The following ADAMTS3 variants were observed in gnomAD, a reference collection of about 807,000 sequenced individuals.
The protein encoded by ADAMTS3 is A disintegrin and metalloproteinase with thrombospondin motifs 3.
In ADAMTS3, 73 loss-of-function variants were observed where a neutral mutation model predicts 129.0. That is an observed-to-expected ratio of 0.57 (90% CI 0.47 to 0.69). The LOEUF (loss-of-function observed/expected upper bound fraction) is 0.69, where lower values mean the gene tolerates loss of function less well. ADAMTS3 is among the 30% of genes least tolerant of loss of function. The pLI, the probability that ADAMTS3 is intolerant of heterozygous loss-of-function variation, is 0.00. For missense variants in ADAMTS3, 1,457 were observed against 1,514.5 expected (o/e 0.96, Z 0.63); for synonymous variants, 477 against 510.8 (o/e 0.93, Z 0.89).
intron 3 of ADAMTS3, among the ~76,000 whole-genome samples, chr4:72,502,681 A>C (rs1304103935): frequency 1.3e-5 from 2 of 152,058 alleles, no homozygotes; most frequent in Non-Finnish European, 2.9e-5. Flanking sequence ...AGTTCCCCTA[A>C]GTTCAATGTT....
intron 5 of ADAMTS3, among the ~76,000 whole-genome samples, chr4:72,329,143 G>A (rs1260726825): frequency 6.6e-6 from 1 of 152,080 alleles, no homozygotes; most frequent in African/African-American, 2.4e-5. Flanking sequence ...CTGTTCTTAT[G>A]AAGCATAGAC....
chr4:72,466,355 T>C (rs374344888), intron 3 of ADAMTS3, among the ~76,000 whole-genome samples: 1 of 152,020 alleles, frequency 6.6e-6, no homozygotes, highest in Non-Finnish European at 1.5e-5. Flanking sequence ...TATTCTTGAA[T>C]GGCAAGAAAG....
intron 3 of ADAMTS3, among the ~76,000 whole-genome samples, chr4:72,538,631 C>CTT (rs200580079): frequency 2.0e-4 from 30 of 151,688 alleles, no homozygotes; most frequent in African/African-American, 6.8e-4. Context: ...ATGCCAAAGA[C>CTT]TTTTTTTTGG....
At chr4:72,392,915 A>ATTTTTTTTTTTTTTT (rs36046621) in intron 4 of ADAMTS3, among the ~76,000 whole-genome samples, 6 of 139,852 alleles carry the variant, frequency 4.3e-5, no homozygotes, top group African/African-American at 5.2e-5. Context: ...TACCCATCGG[A>ATTTTTTTTTTTTTTT]TTTTTTTTTT....
chr4:72,434,553 A>C (rs1276621881), intron 3 of ADAMTS3, among the ~76,000 whole-genome samples: 2 of 151,730 alleles, frequency 1.3e-5, no homozygotes, highest in African/African-American at 2.4e-5. Flanking sequence ...GGCCCCCCCA[A>C]ATTCCTATAC....
intron 10 of ADAMTS3, among the ~76,000 whole-genome samples, chr4:72,317,965 G>A (rs1001576361): frequency 6.6e-6 from 1 of 151,710 alleles, no homozygotes; most frequent in Admixed American, 6.6e-5. Flanking sequence ...GGAGGCGGAG[G>A]TTGCAGTGAG....
intron 3 of ADAMTS3, among the ~76,000 whole-genome samples, chr4:72,490,989 T>G (rs183719470): frequency 6.7e-4 from 102 of 152,044 alleles, no homozygotes; most frequent in East Asian, 5.8e-4. Flanking sequence ...GTCTTTAATT[T>G]CCCTTATCAA....
At chr4:72,510,446 T>C (rs1343517466) in intron 3 of ADAMTS3, among the ~76,000 whole-genome samples, 1 of 152,014 alleles carries the variant, frequency 6.6e-6, no homozygotes, top group African/African-American at 2.4e-5. Flanking sequence ...AAAAATAACG[T>C]ATAAAAATTA....
In ADAMTS3 at chr4:72,283,000, C is replaced by T; in HGVS notation, c.*136G>A. On this transcript the variant is annotated 3_prime_UTR_variant, in exon 22 of 22. Transcript: ENST00000286657. Reference sequence around the variant, plus strand: ...AAAGCAACTAGAAAGTGAGCCAGCACTTTCTGTTCTTCCAATTACAGATAA... The same window carrying T: ...AAAGCAACTAGAAAGTGAGCCAGCATTTTCTGTTCTTCCAATTACAGATAA... The T allele has an allele frequency of 1.4e-6, 1 of 727,988 alleles. No individual in the cohort carries two copies. Among genetic ancestry groups the T allele is most frequent in the South Asian group, 2.1e-5 (1 of 47,566 alleles). The allele number at this position is 727,988 out of a possible 1,614,324, so 45.1% of individuals were successfully genotyped here.
At chr4:72,533,667 A>C (rs1721108827) in intron 3 of ADAMTS3, among the ~76,000 whole-genome samples, 5 of 151,752 alleles carry the variant, frequency 3.3e-5, no homozygotes, top group Non-Finnish European at 5.9e-5. Flanking sequence ...ATATATGTAT[A>C]TGCACATATA....
chr4:72,538,061 G>A (rs1273887084), intron 3 of ADAMTS3, among the ~76,000 whole-genome samples: 1 of 152,164 alleles, frequency 6.6e-6, no homozygotes, highest in Non-Finnish European at 1.5e-5. Context: ...TAGTAAACTT[G>A]AAGGGAGGAC....
chr4:72,328,787 T>C (rs1011905934), intron 5 of ADAMTS3, among the ~76,000 whole-genome samples: 2 of 152,164 alleles, frequency 1.3e-5, no homozygotes, highest in African/African-American at 4.8e-5. Context: ...GACTTTTGTA[T>C]AACTGAAAGT....
chr4:72,477,449 C>T (rs560622141), intron 3 of ADAMTS3, among the ~76,000 whole-genome samples: 49 of 151,994 alleles, frequency 3.2e-4, no homozygotes, highest in Admixed American at 9.2e-4. Flanking sequence ...CTACTGGGTA[C>T]GTAACGAAAT....
At chr4:72,549,299 A>T (rs527295256) in intron 2 of ADAMTS3, among the ~76,000 whole-genome samples, 1 of 152,198 alleles carries the variant, frequency 6.6e-6, no homozygotes, top group Non-Finnish European at 1.5e-5. Flanking sequence ...GATTGTTTTC[A>T]TTTTTTCCCT....
chr4:72,556,857 AAAAG>A (rs762938619), intron 2 of ADAMTS3, among the ~76,000 whole-genome samples: 1 of 151,750 alleles, frequency 6.6e-6, no homozygotes, highest in Non-Finnish European at 1.5e-5. Context: ...GAGCTATAGA[AAAAG>A]AAAGCCAGTT....
intron 6 of ADAMTS3, among the ~76,000 whole-genome samples, chr4:72,322,387 T>G (rs974007019): frequency 6.6e-6 from 1 of 152,230 alleles, no homozygotes; most frequent in African/African-American, 2.4e-5. Context: ...GTTTCCTGTA[T>G]GTTTCCTCCT....
chr4:72,427,892 C>T (rs1022039719), intron 3 of ADAMTS3, among the ~76,000 whole-genome samples: 1 of 151,860 alleles, frequency 6.6e-6, no homozygotes, highest in Non-Finnish European at 1.5e-5. Flanking sequence ...TGCTAAAATT[C>T]CATAAAGAAA....
rs368868980 is a variant in ADAMTS3, at chr4:72,568,819, AC to A, written c.-58del. 322 of 493,806 alleles carry A rather than the reference AC, an allele frequency of 6.5e-4. No individual in the cohort carries two copies. Among genetic ancestry groups the A allele is most frequent in the East Asian group, 7.7e-4 (5 of 6,468 alleles). 30.6% of individuals were successfully genotyped at this position (493,806 alleles called of 1,614,324 possible). A position where few individuals can be genotyped will look rare whatever the true frequency, so the allele number is the denominator to read the frequency against. On this transcript the variant is annotated 5_prime_UTR_variant, in exon 1 of 22. Transcript: ENST00000286657. Reference sequence around the variant, plus strand: ...CAAAGCAAATGCCCAGAGCAAACCCACCCCCCCCGCCCAAAATAAGTTTCTT... The same window carrying A: ...CAAAGCAAATGCCCAGAGCAAACCCACCCCCCCGCCCAAAATAAGTTTCTT...
chr4:72,538,852 T>C (rs970755192), intron 3 of ADAMTS3, among the ~76,000 whole-genome samples: 1 of 152,050 alleles, frequency 6.6e-6, no homozygotes, highest in African/African-American at 2.4e-5. Context: ...AGTCCAGAAA[T>C]AAATTGTTGC....
Sources: gnomAD v4.1 joint callset for allele counts (sites outside exome capture counted in the v4.1 genomes callset) on GRCh38, gnomAD v4.1.1 for gene constraint, MANE v1.5 for transcripts, NCBI Gene and HGNC (gene_info 2026-07-23, HGNC 2026-07-21) for gene names.